TMC6: variants seen among roughly 807,000 people sequenced by gnomAD.
TMC6 encodes transmembrane channel-like protein 6.
A neutral mutation model predicts 95.4 loss-of-function variants in TMC6; 71 were observed. The ratio of observed to expected loss-of-function variants is 0.74; its 90% CI spans 0.61 to 0.91. TMC6 has a LOEUF of 0.91. Ranked by LOEUF, TMC6 falls within the 40% of genes least tolerant of loss-of-function variation. The probability of loss-of-function intolerance (pLI) is 0.00; values close to 1 mark genes in which losing one functional copy is unlikely to be tolerated. For synonymous variants in TMC6, 514 were observed against 483.1 expected (o/e 1.06, Z -0.84); for missense variants, 1,074 against 1,079.1 (o/e 1.00, Z 0.07).
At chr17:78,118,092 A>C (rs1232931686) in intron 15 of TMC6, 157 bp from the exon 16 acceptor site, 1 of 1,340,288 alleles carries the variant, frequency 7.5e-7, no homozygotes, top group East Asian at 2.5e-5. Context: ...AGGAAGACAG[A>C]AGCCTGCCGG....
chr17:78,131,539 T>A, upstream of TMC6: 1 of 1,535,292 alleles, frequency 6.5e-7, no homozygotes, highest in Admixed American at 2.0e-5. Context: ...GGGACTCATA[T>A]CCCCCCCACC....
upstream of TMC6, chr17:78,128,808 G>GGGGC (rs2074879103): frequency 6.7e-6 from 1 of 148,632 alleles, no homozygotes; most frequent in Non-Finnish European, 1.5e-5. The surrounding 1 kb of genome is among the most constrained non-coding windows in gnomAD (Gnocchi z 4.0). Flanking sequence ...CGGGGGGGGG[G>GGGGC]GGGGCGGGCC....
chr17:78,120,580 G>C, intron 13 of TMC6, 73 bp downstream of exon 13: 5 of 1,606,736 alleles, frequency 3.1e-6, no homozygotes, highest in Non-Finnish European at 4.3e-6. Flanking sequence ...CCAGGCCTGA[G>C]AACCTCCCGG....
At position 78,124,784 on chromosome 17, in the gene TMC6, G is replaced by A; in HGVS notation, c.634-3C>T. The stretch of plus-strand genomic sequence containing the variant: ...GCCAGGCCCAGGCTGTGCAAGGCCT[G>A]CGGGCACAGGCAGAGAGGCCCTGAG... On this transcript the variant is annotated splice_region_variant and splice_polypyrimidine_tract_variant and intron_variant, in intron 7 of 19. Transcript: ENST00000590602. 6.3e-7 allele frequency: 1 copy of A among 1,580,250 alleles called. No individual in the cohort carries two copies. Among genetic ancestry groups the A allele is most frequent in the Non-Finnish European group, 8.6e-7 (1 of 1,163,932 alleles).
chr17:78,113,357 G>A (rs1483198327), intron 19 of TMC6, 146 bp from the exon 20 acceptor site: 2 of 1,236,676 alleles, frequency 1.6e-6, no homozygotes, highest in Non-Finnish European at 2.3e-6. Context: ...TGTCAAAATG[G>A]CCAGGCTCCG....
Position 78,117,906 on chromosome 17 carries a change from C to T in TMC6, c.1917G>A (p.Pro639=), listed in dbSNP as rs762795813. The change falls in exon 16 of 20, where the codon CCG becomes CCA. Residue 639 remains proline, a synonymous_variant. Transcript: ENST00000590602. The part of the protein sequence containing the change: ...KTSLLANCQA[P]RRPWLASHMS... Reference sequence around the variant, plus strand: ...TGTGTGAGGCCAGCCAGGGCCGGCGCGGCGCCTGGCAGTTGGCCAGAAGGC... The same window carrying T: ...TGTGTGAGGCCAGCCAGGGCCGGCGTGGCGCCTGGCAGTTGGCCAGAAGGC... 16 of 1,604,296 alleles carry T rather than the reference C, an allele frequency of 1.0e-5. No homozygotes were observed. Among genetic ancestry groups the T allele is most frequent in the East Asian group, 2.2e-5 (1 of 44,516 alleles).
In TMC6 at chr17:78,126,655, A is replaced by AG; in HGVS notation, c.57-8dup. 1 of 1,612,704 alleles carries AG rather than the reference A, an allele frequency of 6.2e-7. No individual in the cohort carries two copies. Among genetic ancestry groups the AG allele is most frequent in the South Asian group, 1.1e-5 (1 of 91,072 alleles). On this transcript the variant is annotated splice_polypyrimidine_tract_variant and splice_region_variant and intron_variant, in intron 2 of 19. Coordinates refer to ENST00000590602, the MANE Select transcript of TMC6 (RefSeq NM_001127198.5). ...ATAGGGGCTGGGGCCCTGGCTGCAG[A>AG]GGGGGTTGGCGGGGGGGTCAGGCTC...
intron 9 of TMC6, among the ~76,000 whole-genome samples, 196 bp downstream of exon 9, chr17:78,123,777 GTGGGTGGATGGATGAA>G (rs2074549121): frequency 1.3e-5 from 2 of 150,778 alleles, no homozygotes; most frequent in African/African-American, 4.9e-5. Flanking sequence ...GGGTGGATGG[GTGGGTGGATGGATGAA>G]TGGGTGGATG....
upstream of TMC6, chr17:78,131,859 CCCCTGTCACCA>C: frequency 6.8e-7 from 1 of 1,464,136 alleles, no homozygotes; most frequent in Non-Finnish European, 9.0e-7. Flanking sequence ...CTCAGGGGCG[CCCCTGTCACCA>C]CCCCCGTCCA....
chr17:78,126,899 GC>G lies in TMC6; in HGVS notation c.-68del. The stretch of plus-strand genomic sequence containing the variant: ...TCAGAGCCTGGGCGCCACCTCCGGA[GC>G]CCCCATCTGATGAGACAGGGGCACA... On this transcript the variant is annotated 5_prime_UTR_variant, in exon 2 of 20. It removes the in-frame stop codon of an upstream open reading frame in the 5' UTR. Coordinates refer to ENST00000590602, the MANE Select transcript of TMC6 (RefSeq NM_001127198.5). The G allele has an allele frequency of 6.4e-7, 1 of 1,569,820 alleles. No individual in the cohort carries two copies.
rs150547279 is a variant in TMC6, at chr17:78,125,181, G to A, written c.513C>T (p.Ser171=). The A allele has an allele frequency of 1.0e-4, 161 of 1,578,966 alleles. 1 individual carries two copies. The East Asian group carries it at 3.7e-3, about 36-fold the overall frequency. The part of the protein sequence containing the change: ...RDHMLRGMPL[S]LAEKRSLREK... ...ACCGCAGGCTGCGTTTCTCAGCCAG[G>A]CTTAAGGGCATCCCGCGAAGCATGT... is the stretch of plus-strand genomic sequence containing the variant. The change falls in exon 6 of 20, where the codon AGC becomes AGT. Residue 171 remains serine, a synonymous_variant. Coordinates refer to ENST00000590602, the MANE Select transcript of TMC6 (RefSeq NM_001127198.5).
intron 9 of TMC6, among the ~76,000 whole-genome samples, 197 bp downstream of exon 9, chr17:78,123,792 A>G (rs1228216536): frequency 6.7e-6 from 1 of 149,898 alleles, no homozygotes; most frequent in Non-Finnish European, 1.5e-5. Flanking sequence ...TGGATGGATG[A>G]ATGGGTGGAT....
chr17:78,118,728 C>T (rs932801614), intron 15 of TMC6, among the ~76,000 whole-genome samples: 1 of 152,212 alleles, frequency 6.6e-6, no homozygotes, highest in African/African-American at 2.4e-5. Flanking sequence ...TGGCCAGGTG[C>T]ACACAGGTAC....
rs376729564 is a variant in TMC6 at position 78,126,757 on chromosome 17, C to T, written c.56+20G>A. 3 of 1,612,726 alleles carry T rather than the reference C, an allele frequency of 1.9e-6. No individual in the cohort carries two copies. The highest frequency in any genetic ancestry group is 1.3e-5 in the African/African-American group (1 of 74,906). On this transcript the variant is annotated intron_variant, in intron 2 of 19. Transcript: ENST00000590602. ...GGGTGGAACATTCCAGCCTCCAGCCCCCAGCCCCAGAGCGCTTACCCCTGG... is the reference window on the plus strand; with the variant it reads ...GGGTGGAACATTCCAGCCTCCAGCCTCCAGCCCCAGAGCGCTTACCCCTGG...
chr17:78,119,183 G>T, intron 14 of TMC6, 114 bp downstream of exon 14: 2 of 1,515,686 alleles, frequency 1.3e-6, no homozygotes, highest in East Asian at 2.3e-5. Context: ...ATCACTCCAG[G>T]GTCCATGGCC....
rs1041138533 is a variant in TMC6, at chr17:78,109,693, G to C, written c.*3455C>G. The C allele has an allele frequency of 2.6e-6, 1 of 384,712 alleles. No homozygotes were observed. Among genetic ancestry groups the C allele is most frequent in the African/African-American group, 2.1e-5 (1 of 48,110 alleles). The allele number at this position is 384,712 out of a possible 1,614,324, so 23.8% of individuals were successfully genotyped here. A position where few individuals can be genotyped will look rare whatever the true frequency, so the allele number is the denominator to read the frequency against. ...CGGGCGTGAGTGCATGCATGCGTTTGTGACAGCCTGGTGCTCGGATGGGCC... is the reference window on the plus strand; with the variant it reads ...CGGGCGTGAGTGCATGCATGCGTTTCTGACAGCCTGGTGCTCGGATGGGCC... On this transcript the variant is annotated 3_prime_UTR_variant, in exon 20 of 20. Coordinates refer to ENST00000590602, the MANE Select transcript of TMC6 (RefSeq NM_001127198.5).
rs756590153 is a variant in TMC6 at position 78,126,555 on chromosome 17, C to G, written c.150G>C (p.Leu50=). 3.7e-6 allele frequency: 6 copies of G among 1,613,670 alleles called. No individual in the cohort carries two copies. In the African/African-American group the frequency reaches 5.3e-5, roughly 14 times the overall value. ...CCTCCCGCTCTCTCTGCTGCAGCTCCAGCCCCTCCTGGGCCGTGCACTGGC... is the reference window on the plus strand; with the variant it reads ...CCTCCCGCTCTCTCTGCTGCAGCTCGAGCCCCTCCTGGGCCGTGCACTGGC... ...EQSQCTAQEG[L]ELQQREREVT... The change falls in exon 3 of 20, where the codon CTG becomes CTC. Residue 50 remains leucine (L), a synonymous_variant. Coordinates refer to ENST00000590602, the MANE Select transcript of TMC6 (RefSeq NM_001127198.5).
intron 13 of TMC6, chr17:78,120,152 CTTTTTT>C (rs35789255): frequency 2.9e-3 from 439 of 151,204 alleles, no homozygotes; most frequent in Middle Eastern, 0.012. Context: ...ATACACGTTA[CTTTTTT>C]TTTTTTTTTT....
At chr17:78,130,461 C>G (rs74660316), upstream of TMC6, among the ~76,000 whole-genome samples, 2,083 of 152,348 alleles carry the variant, frequency 0.014, 40 homozygotes, top group African/African-American at 0.047. Flanking sequence ...GAGAGGGCCT[C>G]AGCTGCAGGC....
Sources: gnomAD v4.1 joint callset for allele counts (sites outside exome capture counted in the v4.1 genomes callset) on GRCh38, gnomAD v4.1.1 for gene constraint, Gnocchi (gnomAD v3.1) non-coding constraint, MANE v1.5 for transcripts, NCBI Gene and HGNC (gene_info 2026-07-23, HGNC 2026-07-21) for gene names.